Variants in ZNF236 observed in about 807,000 individuals in gnomAD.
ZNF236 encodes regulated by glucose.
A neutral mutation model predicts 191.2 loss-of-function variants in ZNF236; 50 were observed. The ratio of observed to expected loss-of-function variants is 0.26; its 90% CI spans 0.21 to 0.33. ZNF236 has a LOEUF of 0.33. Among genes scored for constraint, ZNF236 ranks in the 10% least tolerant of loss-of-function variants. ZNF236 has a pLI of 1.00. For synonymous variants in ZNF236, 907 were observed against 928.8 expected, an observed-to-expected ratio of 0.98 and a Z score of 0.43; for missense variants, 1,754 against 2,374.5, an observed-to-expected ratio of 0.74 and a Z score of 5.43.
intron 26 of ZNF236, among the ~76,000 whole-genome samples, chr18:76,943,347 G>A (rs932042243): frequency 2.3e-4 from 35 of 152,270 alleles, no homozygotes; most frequent in African/African-American, 8.4e-4. Flanking sequence ...CTTCAGGGGT[G>A]AGGAGGAGCA....
At chr18:76,898,927 C>G in intron 10 of ZNF236, 92 bp from the exon 11 acceptor site, 1 of 1,076,346 alleles carries the variant, frequency 9.3e-7, no homozygotes, top group Non-Finnish European at 1.4e-6. Flanking sequence ...AGGTTCAAAT[C>G]AGTATTGGAA....
chr18:76,913,163 G>C (rs377501471), intron 17 of ZNF236, among the ~76,000 whole-genome samples: 1 of 152,192 alleles, frequency 6.6e-6, no homozygotes, highest in African/African-American at 2.4e-5. Flanking sequence ...TAATATGTGA[G>C]TAGGAGTTTT....
intron 16 of ZNF236, among the ~76,000 whole-genome samples, chr18:76,911,025 C>G (rs540062885): frequency 6.6e-6 from 1 of 152,188 alleles, no homozygotes; most frequent in East Asian, 1.9e-4. Flanking sequence ...TTAAAGGTTT[C>G]ACTGCCATGG....
chr18:76,945,724 C>T (rs535895115), intron 26 of ZNF236, among the ~76,000 whole-genome samples: 2 of 152,310 alleles, frequency 1.3e-5, no homozygotes, highest in East Asian at 3.9e-4. Context: ...GCAGAGGTTG[C>T]AGTGAGCTGA....
intron 1 of ZNF236, among the ~76,000 whole-genome samples, chr18:76,835,420 A>G (rs1194093860): frequency 6.6e-6 from 1 of 152,220 alleles, no homozygotes; most frequent in African/African-American, 2.4e-5. Flanking sequence ...ATTAAATTCT[A>G]TGATTGTGAA....
intron 21 of ZNF236, among the ~76,000 whole-genome samples, chr18:76,923,776 T>C (rs1967604402): frequency 6.6e-6 from 1 of 152,176 alleles, no homozygotes; most frequent in African/African-American, 2.4e-5. Context: ...AAGTTTCTTC[T>C]GCAGAAGATG....
intron 1 of ZNF236, among the ~76,000 whole-genome samples, chr18:76,824,941 G>A (rs967722920): frequency 5.3e-5 from 8 of 152,182 alleles, no homozygotes; most frequent in African/African-American, 1.2e-4. Context: ...ACTTGTCAGC[G>A]TGGATGAACT....
intron 27 of ZNF236, among the ~76,000 whole-genome samples, chr18:76,949,344 A>G (rs1968348538): frequency 6.6e-6 from 1 of 152,238 alleles, no homozygotes; most frequent in African/African-American, 2.4e-5. Flanking sequence ...AAATGTCTCC[A>G]CTGAAGTGAT....
At chr18:76,846,899 A>AT (rs772894660) in intron 1 of ZNF236, among the ~76,000 whole-genome samples, 22 of 151,490 alleles carry the variant, frequency 1.5e-4, no homozygotes, top group Non-Finnish European at 3.1e-4. Context: ...GGTTCAAGCG[A>AT]TTCTCCTGCC....
At chr18:76,951,119 AT>A (rs1316818019) in intron 27 of ZNF236, among the ~76,000 whole-genome samples, 1 of 152,236 alleles carries the variant, frequency 6.6e-6, no homozygotes, top group East Asian at 1.9e-4. Context: ...CACAGAAAGA[AT>A]GGATTTAGCA....
chr18:76,913,699 T>C, intron 17 of ZNF236, 48 bp from the exon 18 acceptor site: 1 of 1,589,092 alleles, frequency 6.3e-7, no homozygotes, highest in Non-Finnish European at 8.6e-7. Context: ...GTATTTGTAA[T>C]TGTGCTATGA....
intron 3 of ZNF236, among the ~76,000 whole-genome samples, chr18:76,859,238 G>A (rs1013075248): frequency 6.8e-6 from 1 of 146,726 alleles, no homozygotes; most frequent in Non-Finnish European, 1.5e-5. Flanking sequence ...AAGGGGGAGA[G>A]GGCTCAGGTG....
At chr18:76,953,848 C>G (rs563234862) in intron 27 of ZNF236, among the ~76,000 whole-genome samples, 23 of 152,270 alleles carry the variant, frequency 1.5e-4, no homozygotes, top group African/African-American at 5.3e-4. Flanking sequence ...TCTTTCCGGG[C>G]TCATTAGGAG....
At chr18:76,964,690 G>T (rs933851645) in intron 30 of ZNF236, among the ~76,000 whole-genome samples, 8 of 152,048 alleles carry the variant, frequency 5.3e-5, no homozygotes, top group Non-Finnish European at 1.5e-5. Context: ...TTATGTTGCT[G>T]TCTATCTCAT....
At chr18:76,915,620 C>T (rs754552561) in intron 18 of ZNF236, 27 bp from the exon 19 acceptor site, 7 of 1,609,722 alleles carry the variant, frequency 4.3e-6, no homozygotes, top group Non-Finnish European at 5.9e-6. Context: ...TTGGTTCCAG[C>T]CGTTTTTTCT....
At chr18:76,823,794 C>T (rs1033083484) in intron 1 of ZNF236, among the ~76,000 whole-genome samples, 7 of 152,154 alleles carry the variant, frequency 4.6e-5, no homozygotes, top group Non-Finnish European at 4.4e-5. Context: ...GCGCACTCGC[C>T]GGTGCCGCGG....
intron 9 of ZNF236, among the ~76,000 whole-genome samples, chr18:76,883,584 T>A (rs935803586): frequency 2.0e-5 from 3 of 151,906 alleles, no homozygotes; most frequent in Non-Finnish European, 4.4e-5. Flanking sequence ...CCACCACATA[T>A]GGCTAGTGAA....
Position 76,880,296 on chromosome 18 carries a change from A to G in ZNF236, c.1168A>G (p.Ile390Val), listed in dbSNP as rs1976853375. 1 of 1,613,268 alleles carries G rather than the reference A, an allele frequency of 6.2e-7. No individual in the cohort carries two copies. Among genetic ancestry groups the G allele is most frequent in the African/African-American group, 1.3e-5 (1 of 75,030 alleles). Reference protein sequence around the residue: ...PGQQLSITVGINQDILQQALE... With the variant: ...PGQQLSITVGVNQDILQQALE... ...GCAGCAGCTGAGCATCACAGTGGGC[A>G]TCAACCAGGACATTTTACAGGTGAA... Residue 390 changes from isoleucine to valine, a missense_variant, in exon 8 of 31, where the codon ATC becomes GTC. Coordinates refer to ENST00000320610, the MANE Select transcript of ZNF236 (RefSeq NM_001306089.2). The surrounding 1 kb of genome is among the most constrained non-coding windows in gnomAD (Gnocchi z 5.0).
chr18:76,832,708 T>G (rs2122403282), intron 1 of ZNF236, among the ~76,000 whole-genome samples: 2 of 152,256 alleles, frequency 1.3e-5, no homozygotes, highest in South Asian at 4.1e-4. Flanking sequence ...TTGACAATTG[T>G]TGGTACTTTT....
Sources: allele counts gnomAD v4.1 joint callset (sites outside exome capture counted in the v4.1 genomes callset), GRCh38; gene constraint gnomAD v4.1.1; non-coding constraint Gnocchi (gnomAD v3.1); transcripts MANE v1.5; gene names NCBI Gene and HGNC (gene_info 2026-07-23, HGNC 2026-07-21).